Variants in PDE4B observed in about 807,000 individuals in gnomAD.
PDE4B encodes the protein 3',5'-cyclic-AMP phosphodiesterase 4B.
A neutral mutation model predicts 82.2 loss-of-function variants in PDE4B; 20 were observed. That is an observed-to-expected ratio of 0.24 (90% CI 0.17 to 0.35). PDE4B has a LOEUF of 0.35. Ranked by LOEUF, PDE4B falls within the 10% of genes least tolerant of loss-of-function variation. The pLI, the probability that PDE4B is intolerant of heterozygous loss-of-function variation, is 1.00. For synonymous variants in PDE4B, 320 were observed against 318.9 expected (o/e 1.00, Z -0.04); for missense variants, 655 against 907.2 (o/e 0.72, Z 3.57).
At chr1:65,965,175 G>T (rs767476287) in intron 3 of PDE4B, among the ~76,000 whole-genome samples, 6 of 151,960 alleles carry the variant, frequency 3.9e-5, no homozygotes. Context: ...GGTGAGTGGG[G>T]GTAACCTAGA....
At chr1:66,219,066 A>G (rs1265645524) in intron 3 of PDE4B, among the ~76,000 whole-genome samples, 1 of 152,148 alleles carries the variant, frequency 6.6e-6, no homozygotes, top group African/African-American at 2.4e-5. Context: ...GGGTATATAA[A>G]TATGTAGGGG....
At chr1:65,855,615 G>T (rs1423465267) in intron 1 of PDE4B, among the ~76,000 whole-genome samples, 1 of 152,148 alleles carries the variant, frequency 6.6e-6, no homozygotes, top group East Asian at 1.9e-4. Context: ...TCAATTTTGT[G>T]TCATTTCACC....
intron 3 of PDE4B, among the ~76,000 whole-genome samples, chr1:66,241,584 CA>C (rs1366384509): frequency 6.6e-6 from 1 of 152,082 alleles, no homozygotes; most frequent in East Asian, 1.9e-4. Flanking sequence ...TGTCTCACTG[CA>C]ATCTCCGCCT....
At chr1:66,258,630 C>G (rs1006415490) in intron 6 of PDE4B, among the ~76,000 whole-genome samples, 3 of 152,164 alleles carry the variant, frequency 2.0e-5, no homozygotes, top group African/African-American at 7.2e-5. Flanking sequence ...GAAACCTAAG[C>G]TCTCAAGAAT....
intron 3 of PDE4B, among the ~76,000 whole-genome samples, chr1:66,200,200 T>A (rs142255456): frequency 1.4e-4 from 22 of 152,330 alleles, no homozygotes; most frequent in Admixed American, 1.4e-3. Context: ...ATTCCATTGG[T>A]CTATATCTCT....
chr1:66,187,410 A>G (rs934422148), intron 3 of PDE4B, among the ~76,000 whole-genome samples: 21 of 152,074 alleles, frequency 1.4e-4, no homozygotes, highest in African/African-American at 4.6e-4. Flanking sequence ...AAGGAATGGT[A>G]CCAGTTCCTC....
chr1:66,125,156 A>G (rs1645796505), intron 3 of PDE4B, among the ~76,000 whole-genome samples: 1 of 131,612 alleles, frequency 7.6e-6, no homozygotes, highest in South Asian at 2.5e-4. Flanking sequence ...ATGATGGCCC[A>G]TACTATTCCT....
intron 7 of PDE4B, among the ~76,000 whole-genome samples, chr1:66,312,014 A>G (rs1021276626): frequency 6.6e-6 from 1 of 152,232 alleles, no homozygotes; most frequent in Admixed American, 6.5e-5. Flanking sequence ...ACGGATATAG[A>G]GAAATTCACC....
chr1:65,981,758 A>G (rs1650702184), intron 3 of PDE4B, among the ~76,000 whole-genome samples: 1 of 152,172 alleles, frequency 6.6e-6, no homozygotes, highest in Admixed American at 6.6e-5. Flanking sequence ...TGTATATAAA[A>G]TTAACTAGTA....
At chr1:65,854,416 T>A (rs1646368835) in intron 1 of PDE4B, among the ~76,000 whole-genome samples, 1 of 151,848 alleles carries the variant, frequency 6.6e-6, no homozygotes, top group Non-Finnish European at 1.5e-5. Context: ...TAACGTATCC[T>A]ATAGTGCATA....
At chr1:66,344,864 GA>G (rs948030212) in intron 8 of PDE4B, among the ~76,000 whole-genome samples, 6 of 152,182 alleles carry the variant, frequency 3.9e-5, no homozygotes, top group Non-Finnish European at 8.8e-5. Context: ...AGACAGTGCA[GA>G]GATTTCTAAG....
At chr1:65,968,320 A>G (rs557077406) in intron 3 of PDE4B, among the ~76,000 whole-genome samples, 7 of 152,232 alleles carry the variant, frequency 4.6e-5, no homozygotes, top group African/African-American at 1.7e-4. Flanking sequence ...TCTATTGCCA[A>G]AGCTCATGTA....
At chr1:66,030,937 T>C (rs1186601325) in intron 3 of PDE4B, among the ~76,000 whole-genome samples, 4 of 152,080 alleles carry the variant, frequency 2.6e-5, no homozygotes, top group African/African-American at 9.7e-5. Context: ...AATACAGGAA[T>C]GATAGACCCT....
intron 1 of PDE4B, among the ~76,000 whole-genome samples, chr1:65,797,492 T>C (rs1645645039): frequency 6.6e-6 from 1 of 152,198 alleles, no homozygotes; most frequent in Admixed American, 6.5e-5. Context: ...GTGGTTTCAA[T>C]GACAATTTAA....
At chr1:65,987,351 CA>C (rs1441100140) in intron 3 of PDE4B, among the ~76,000 whole-genome samples, 1 of 152,118 alleles carries the variant, frequency 6.6e-6, no homozygotes, top group African/African-American at 2.4e-5. Context: ...GTGAGGTATT[CA>C]CATCATCTTA....
intron 3 of PDE4B, among the ~76,000 whole-genome samples, chr1:66,048,601 T>A (rs1457705029): frequency 6.6e-6 from 1 of 152,018 alleles, no homozygotes; most frequent in African/African-American, 2.4e-5. Flanking sequence ...TGTAATTGTC[T>A]AATCTAGCTC....
chr1:66,227,994 GT>G (rs1234576535), intron 3 of PDE4B, among the ~76,000 whole-genome samples: 1 of 152,070 alleles, frequency 6.6e-6, no homozygotes, highest in Non-Finnish European at 1.5e-5. Flanking sequence ...TGGCTTCATG[GT>G]ACCCCACTCT....
At chr1:65,811,719 G>T (rs1044955535) in intron 1 of PDE4B, among the ~76,000 whole-genome samples, 1 of 152,074 alleles carries the variant, frequency 6.6e-6, no homozygotes, top group African/African-American at 2.4e-5. Context: ...ACAAAGTTAA[G>T]TACATGATAG....
At chr1:66,196,581 G>C (rs115491378) in intron 3 of PDE4B, among the ~76,000 whole-genome samples, 1,957 of 152,246 alleles carry the variant, frequency 0.013, 52 homozygotes, top group African/African-American at 0.045. Flanking sequence ...TGAAGAACAT[G>C]CTATCTCATT....
Sources: allele counts gnomAD v4.1 joint callset (sites outside exome capture counted in the v4.1 genomes callset), GRCh38; gene constraint gnomAD v4.1.1; transcripts MANE v1.5; gene names NCBI Gene and HGNC (gene_info 2026-07-23, HGNC 2026-07-21).